Variants in AKT2 observed in about 807,000 individuals in gnomAD.
AKT2 encodes the protein AKT serine/threonine kinase 2.
Under a neutral mutation model 58.6 loss-of-function variants are expected in AKT2, and 16 were observed. That is an observed-to-expected ratio of 0.27 (90% CI 0.18 to 0.41). The LOEUF is 0.41. Ranked by LOEUF, AKT2 falls within the 10% of genes least tolerant of loss-of-function variation. The pLI is 1.00. For synonymous variants in AKT2, 253 were observed against 254.0 expected (o/e 1.00, Z 0.04); for missense variants, 438 against 661.0 (o/e 0.66, Z 3.70).
Position 40,231,164 on chromosome 19 carries a change from G to C in AKT2, c.*2708C>G, listed in dbSNP as rs1209502202. Reference sequence around the variant, plus strand: ...ACCCTTCTTGGGAAAAGCTCTACAGGATAACCACACATGCTCAACTACGGG... The same window carrying C: ...ACCCTTCTTGGGAAAAGCTCTACAGCATAACCACACATGCTCAACTACGGG... On this transcript the variant is annotated 3_prime_UTR_variant, in exon 14 of 14. Coordinates refer to ENST00000392038, the MANE Select transcript of AKT2 (RefSeq NM_001626.6). The C allele has an allele frequency of 4.3e-6, 1 of 231,744 alleles. No homozygotes were observed. The highest frequency in any genetic ancestry group is 6.1e-5 in the East Asian group (1 of 16,400). The allele number at this position is 231,744 out of a possible 1,614,324, so 14.4% of individuals were successfully genotyped here.
At chr19:40,274,070 T>G (rs566760531) in intron 1 of AKT2, 3 of 152,724 alleles carry the variant, frequency 2.0e-5, no homozygotes, top group African/African-American at 7.2e-5. Flanking sequence ...TGTTCACCCA[T>G]CTTCTTCACG....
chr19:40,249,828 C>T (rs576047777), intron 4 of AKT2, among the ~76,000 whole-genome samples: 1 of 152,330 alleles, frequency 6.6e-6, no homozygotes, highest in South Asian at 2.1e-4. Flanking sequence ...AAATGTCCCA[C>T]TTGGTGGACA....
chr19:40,237,153 T>C lies in AKT2; in HGVS notation c.832-768A>G, dbSNP rs915127603. Reference sequence around the variant, plus strand: ...GCTCATTCCTAACTGCTGTGTGGCGTCCCACTGTGAGAACACTCCACAGTG... The same window carrying C: ...GCTCATTCCTAACTGCTGTGTGGCGCCCCACTGTGAGAACACTCCACAGTG... On this transcript the variant is annotated intron_variant, in intron 9 of 13. Transcript: ENST00000392038. This position sits in a 1 kb window ranked among gnomAD's most constrained non-coding sequence, Gnocchi z 4.5. 6.5e-6 allele frequency: 1 copy of C among 154,768 alleles called. No homozygotes were observed. The highest frequency in any genetic ancestry group is 1.4e-5 in the Non-Finnish European group (1 of 69,814). The allele number at this position is 154,768 out of a possible 1,614,324, so 9.6% of individuals were successfully genotyped here. A position where few individuals can be genotyped will look rare whatever the true frequency, so the allele number is the denominator to read the frequency against.
chr19:40,254,615 G>T (rs1255694628), intron 4 of AKT2, among the ~76,000 whole-genome samples: 1 of 151,802 alleles, frequency 6.6e-6, no homozygotes, highest in Admixed American at 6.6e-5. Context: ...ATCACCTGAG[G>T]TCAGGAGTTT....
At chr19:40,259,270 G>C (rs1278026263) in intron 2 of AKT2, among the ~76,000 whole-genome samples, 1 of 150,842 alleles carries the variant, frequency 6.6e-6, no homozygotes, top group Admixed American at 6.6e-5. Flanking sequence ...TTGCAGAGCA[G>C]GGAACAGTGA....
intron 4 of AKT2, among the ~76,000 whole-genome samples, chr19:40,248,594 G>A (rs1974911370): frequency 6.6e-6 from 1 of 152,238 alleles, no homozygotes; most frequent in Non-Finnish European, 1.5e-5. Context: ...AGGAGGCAGG[G>A]GATTGGGAGG....
In AKT2 at chr19:40,233,223, G is replaced by A; in HGVS notation, c.*649C>T. 3.8e-6 allele frequency: 1 copy of A among 262,022 alleles called. No homozygotes were observed. The highest frequency in any genetic ancestry group is 7.4e-6 in the Non-Finnish European group (1 of 135,692). 16.2% of individuals were successfully genotyped at this position (262,022 alleles called of 1,614,324 possible). On this transcript the variant is annotated 3_prime_UTR_variant, in exon 14 of 14. Coordinates refer to ENST00000392038, the MANE Select transcript of AKT2 (RefSeq NM_001626.6). The surrounding 1 kb of genome is among the most constrained non-coding windows in gnomAD (Gnocchi z 4.3). Reference sequence around the variant, plus strand: ...TGGGGAGGAGGCCGGACCAGGAGGCGGCACCCAGCCCGGCCACTCCTGGTT... The same window carrying A: ...TGGGGAGGAGGCCGGACCAGGAGGCAGCACCCAGCCCGGCCACTCCTGGTT...
chr19:40,276,461 G>T (rs1435570467), intron 1 of AKT2, among the ~76,000 whole-genome samples: 1 of 126,590 alleles, frequency 7.9e-6, no homozygotes, highest in Non-Finnish European at 1.6e-5. Context: ...TGCTTCCCAG[G>T]TTCAAGCAAT....
Position 40,234,132 on chromosome 19 carries a change from G to C in AKT2, c.1367-181C>G, listed in dbSNP as rs1423307424. On this transcript the variant is annotated intron_variant, in intron 13 of 13. Coordinates refer to ENST00000392038, the MANE Select transcript of AKT2 (RefSeq NM_001626.6). This position sits in a 1 kb window ranked among gnomAD's most constrained non-coding sequence, Gnocchi z 4.7. ...ACCCACTCCCCAAACCTGAGCCCCG[G>C]GCGGCCTCCTCTGGGAGTTTCCTGT... Among the ~76,000 whole-genome samples the C allele has an allele frequency of 6.6e-6, 1 of 152,162 alleles. No homozygotes were observed. The highest frequency in any genetic ancestry group is 1.5e-5 in the Non-Finnish European group (1 of 68,010).
chr19:40,284,585 TC>T (rs971419236), intron 1 of AKT2, among the ~76,000 whole-genome samples: 1 of 151,918 alleles, frequency 6.6e-6, no homozygotes, highest in Non-Finnish European at 1.5e-5. Flanking sequence ...ATCACAGTCC[TC>T]CCAAAATACG....
intron 4 of AKT2, chr19:40,243,528 G>A (rs1414155154): frequency 6.6e-6 from 1 of 152,330 alleles, no homozygotes; most frequent in Non-Finnish European, 1.5e-5. Context: ...TGGCAGCCCA[G>A]GGATGTAGAG....
At chr19:40,277,107 A>C (rs569927870) in intron 1 of AKT2, among the ~76,000 whole-genome samples, 83 of 152,274 alleles carry the variant, frequency 5.5e-4, no homozygotes, top group African/African-American at 1.9e-3. Context: ...CTTCACACAC[A>C]GCTGGGGACA....
chr19:40,239,878 CCCA>C (rs756915158), intron 7 of AKT2, 164 bp downstream of exon 7: 5 of 823,790 alleles, frequency 6.1e-6, no homozygotes, highest in East Asian at 2.5e-5. Flanking sequence ...CCTGCTCACC[CCCA>C]CCACATGTCT....
Position 40,232,514 on chromosome 19 carries a change from AG to A in AKT2, c.*1357del, listed in dbSNP as rs1401087721. On this transcript the variant is annotated 3_prime_UTR_variant, in exon 14 of 14. Transcript: ENST00000392038. ...AACTGTGTAGTACAGGAGATGGGAT[AG>A]GGAGAGCAAACCCACAAAAGCTAAA... The A allele has an allele frequency of 4.3e-6, 1 of 232,254 alleles. No individual in the cohort carries two copies. Among genetic ancestry groups the A allele is most frequent in the East Asian group, 6.1e-5 (1 of 16,486 alleles). The allele number at this position is 232,254 out of a possible 1,614,324, so 14.4% of individuals were successfully genotyped here.
chr19:40,249,467 C>G (rs1974987490), intron 4 of AKT2, among the ~76,000 whole-genome samples: 1 of 152,236 alleles, frequency 6.6e-6, no homozygotes, highest in Non-Finnish European at 1.5e-5. Flanking sequence ...AATCCAGGGC[C>G]TGGACCCCAG....
At chr19:40,265,496 T>C in intron 1 of AKT2, 145 bp from the exon 2 acceptor site, 1 of 1,093,264 alleles carries the variant, frequency 9.1e-7, no homozygotes, top group Non-Finnish European at 1.3e-6. Flanking sequence ...GAGCCCGCTC[T>C]CAAGGACCCA....
intron 1 of AKT2, among the ~76,000 whole-genome samples, chr19:40,283,490 C>T (rs1439023898): frequency 6.6e-6 from 1 of 152,216 alleles, no homozygotes; most frequent in Non-Finnish European, 1.5e-5. Flanking sequence ...AGCCAGTCAG[C>T]TTGGAAGTCA....
chr19:40,248,221 T>A (rs1258816394), intron 4 of AKT2, among the ~76,000 whole-genome samples: 1 of 152,172 alleles, frequency 6.6e-6, no homozygotes, highest in East Asian at 1.9e-4. Flanking sequence ...GAGGGTCCTA[T>A]CAGGGTGAAA....
In AKT2 at chr19:40,268,203, T is replaced by C. The variant is rs534553965; in HGVS notation, c.-84-2852A>G. 2.0e-4 allele frequency among the ~76,000 whole-genome samples: 30 copies of C among 152,224 alleles called. No homozygotes were observed. The East Asian group carries it at 4.1e-3, about 21-fold the overall frequency. ...ACTCAGAGTCCAAAGGAGGGGCTGA[T>C]GTGGAGGGAATAGAACAGGGGCTCC... On this transcript the variant is annotated intron_variant, in intron 1 of 13. Transcript: ENST00000392038.
Sources: allele counts gnomAD v4.1 joint callset (sites outside exome capture counted in the v4.1 genomes callset), GRCh38; gene constraint gnomAD v4.1.1; non-coding constraint Gnocchi (gnomAD v3.1); transcripts MANE v1.5; gene names NCBI Gene and HGNC (gene_info 2026-07-23, HGNC 2026-07-21).